Variants in SLC1A2 observed in about 807,000 individuals in gnomAD.
SLC1A2 encodes the protein excitatory amino acid transporter 2.
Under a neutral mutation model 48.8 loss-of-function variants are expected in SLC1A2, and 15 were observed. That is an observed-to-expected ratio of 0.31 (90% confidence interval 0.21 to 0.47). SLC1A2 has a LOEUF of 0.47. Ranked by LOEUF, SLC1A2 falls within the 20% of genes least tolerant of loss-of-function variation. The pLI, the probability that SLC1A2 is intolerant of heterozygous loss-of-function variation, is 0.99. For missense variants in SLC1A2, 502 were observed against 730.5 expected (o/e 0.69, Z 3.61); for synonymous variants, 279 against 272.6 (o/e 1.02, Z -0.23).
At chr11:35,351,301 G>A (rs1160854598) in intron 1 of SLC1A2, among the ~76,000 whole-genome samples, 1 of 152,200 alleles carries the variant, frequency 6.6e-6, no homozygotes, top group Admixed American at 6.5e-5. Flanking sequence ...TCTCCCCAGT[G>A]AACTTCCCAC....
At position 35,311,897 on chromosome 11, in the gene SLC1A2, G is replaced by GGAGAGAGAGAGAGAGAGA. The variant is rs1213084635; in HGVS notation, c.561+283_561+300dup. 3.3e-3 allele frequency among the ~76,000 whole-genome samples: 85 copies of GGAGAGAGAGAGAGAGAGA among 25,722 alleles called. 12 individuals are homozygous for GGAGAGAGAGAGAGAGAGA. Among genetic ancestry groups the GGAGAGAGAGAGAGAGAGA allele is most frequent in the East Asian group, 0.032 (17 of 528 alleles). 16.9% of individuals were successfully genotyped at this position (25,722 alleles called of 152,430 possible). A position where few individuals can be genotyped will look rare whatever the true frequency, so the allele number is the denominator to read the frequency against. ...GAGAGAGAGAGAGAGAGAGAGGGAG[G>GGAGAGAGAGAGAGAGAGA]GAGAGAGAGAGAGAGAGAGAGAGAG... On this transcript the variant is annotated intron_variant, in intron 4 of 10. Transcript: ENST00000278379.
intron 1 of SLC1A2, among the ~76,000 whole-genome samples, chr11:35,358,288 AT>A (rs899900388): frequency 1.3e-5 from 2 of 152,112 alleles, no homozygotes; most frequent in Non-Finnish European, 2.9e-5. Context: ...ATTGCAGGTG[AT>A]TTTTTTCCCT....
At chr11:35,389,068 C>T (rs974658520) in intron 1 of SLC1A2, among the ~76,000 whole-genome samples, 4 of 152,114 alleles carry the variant, frequency 2.6e-5, no homozygotes, top group Non-Finnish European at 5.9e-5. Context: ...CAAACATGCA[C>T]ATGTACCCCT....
At chr11:35,348,152 C>G (rs979826740) in intron 1 of SLC1A2, among the ~76,000 whole-genome samples, 3 of 152,160 alleles carry the variant, frequency 2.0e-5, no homozygotes, top group Non-Finnish European at 2.9e-5. Context: ...CTAAAGGATT[C>G]TAGAATTCAT....
intron 9 of SLC1A2, among the ~76,000 whole-genome samples, chr11:35,271,486 A>T (rs1850278238): frequency 6.6e-6 from 1 of 152,244 alleles, no homozygotes; most frequent in Non-Finnish European, 1.5e-5. Flanking sequence ...GTTAAAGGAA[A>T]CTAGAAGAGT....
chr11:35,376,813 T>C (rs1213969240), intron 1 of SLC1A2, among the ~76,000 whole-genome samples: 1 of 152,214 alleles, frequency 6.6e-6, no homozygotes, highest in South Asian at 2.1e-4. Flanking sequence ...CTTCAAGATA[T>C]GAATCTATCA....
chr11:35,293,143 G>A, intron 6 of SLC1A2, among the ~76,000 whole-genome samples: 1 of 152,184 alleles, frequency 6.6e-6, no homozygotes. Context: ...GCACTATGGT[G>A]AGAGCTGCAC....
rs1855569758 is a variant in SLC1A2, at chr11:35,415,139, G to A, written c.17+3811C>T. Among the ~76,000 whole-genome samples, 7 of 152,190 alleles carry A rather than the reference G, an allele frequency of 4.6e-5. No individual in the cohort carries two copies. In the South Asian group the frequency reaches 1.4e-3, roughly 32 times the overall value. ...AATATATTGCTCGTTTTTTGCAGCT[G>A]AAGCATCATCACTTAAGGACTTTTC... is the stretch of plus-strand genomic sequence containing the variant. On this transcript the variant is annotated intron_variant, in intron 1 of 10. Coordinates refer to ENST00000278379, the MANE Select transcript of SLC1A2 (RefSeq NM_004171.4).
intron 8 of SLC1A2, among the ~76,000 whole-genome samples, chr11:35,282,754 G>A (rs180763908): frequency 1.8e-4 from 27 of 152,286 alleles, no homozygotes; most frequent in Admixed American, 5.2e-4. Flanking sequence ...TTGCACTGTG[G>A]TTAACATTAA....
intron 9 of SLC1A2, among the ~76,000 whole-genome samples, chr11:35,271,364 G>C (rs1238093244): frequency 6.6e-6 from 1 of 152,150 alleles, no homozygotes; most frequent in Admixed American, 6.5e-5. Context: ...ATGCCACCGA[G>C]GTGCTTAATT....
chr11:35,266,131 TA>T (rs1380040078), intron 9 of SLC1A2, among the ~76,000 whole-genome samples: 1 of 152,218 alleles, frequency 6.6e-6, no homozygotes, highest in Non-Finnish European at 1.5e-5. Flanking sequence ...CAGACACACC[TA>T]GCTGAGTACA....
intron 2 of SLC1A2, chr11:35,317,025 T>C (rs1030419792): frequency 1.4e-5 from 3 of 212,372 alleles, no homozygotes; most frequent in Non-Finnish European, 2.9e-5. Context: ...CTAAATGTGG[T>C]CCATGGACCA....
chr11:35,286,963 GAGAA>G lies in SLC1A2; in HGVS notation c.1092-16_1092-13del. 1 of 1,608,958 alleles carries G rather than the reference GAGAA, an allele frequency of 6.2e-7. No individual in the cohort carries two copies. The highest frequency in any genetic ancestry group is 8.5e-7 in the Non-Finnish European group (1 of 1,175,580). On this transcript the variant is annotated splice_polypyrimidine_tract_variant and intron_variant, in intron 7 of 10. Coordinates refer to ENST00000278379, the MANE Select transcript of SLC1A2 (RefSeq NM_004171.4). The stretch of plus-strand genomic sequence containing the variant: ...GCAAAGTTCCAGCACTGAGAACAAA[GAGAA>G]AGAGAGAGACAGGGTTATGTCCACT...
chr11:35,352,676 T>C (rs1180796354), intron 1 of SLC1A2, among the ~76,000 whole-genome samples: 1 of 151,706 alleles, frequency 6.6e-6, no homozygotes, highest in Non-Finnish European at 1.5e-5. Context: ...CAGGGCATGC[T>C]CACTGCACTG....
intron 1 of SLC1A2, among the ~76,000 whole-genome samples, chr11:35,379,287 T>G (rs1854340890): frequency 6.6e-6 from 1 of 152,236 alleles, no homozygotes; most frequent in East Asian, 1.9e-4. Flanking sequence ...GAAGTCTATG[T>G]AAATGCCAGC....
At chr11:35,380,663 A>T (rs1022122854) in intron 1 of SLC1A2, 3 of 340,608 alleles carry the variant, frequency 8.8e-6, no homozygotes, top group African/African-American at 6.3e-5. Flanking sequence ...AAATAAAAAC[A>T]AAATAAATAA....
In SLC1A2 at chr11:35,256,414, G is replaced by GA. The variant is rs376367234; in HGVS notation, c.*4479dup. ...GTAGAAAATTTGGTTTTCTTTTAGG[G>GA]AAAATCATAAGAAAATGTGTCATGA... On this transcript the variant is annotated 3_prime_UTR_variant, in exon 11 of 11. Transcript: ENST00000278379. The GA allele has an allele frequency of 6.6e-6, 1 of 152,492 alleles. No homozygotes were observed. Among genetic ancestry groups the GA allele is most frequent in the Non-Finnish European group, 1.5e-5 (1 of 68,026 alleles). 9.4% of individuals were successfully genotyped at this position (152,492 alleles called of 1,614,324 possible).
chr11:35,310,619 A>G (rs1851656960), intron 4 of SLC1A2, among the ~76,000 whole-genome samples: 1 of 152,228 alleles, frequency 6.6e-6, no homozygotes, highest in Admixed American at 6.5e-5. Context: ...CTTCTAAGCA[A>G]ACTGTTTCCT....
At chr11:35,364,432 T>C (rs7129352) in intron 1 of SLC1A2, among the ~76,000 whole-genome samples, 2,397 of 152,356 alleles carry the variant, frequency 0.016, 69 homozygotes, top group African/African-American at 0.054. Context: ...CAGTCAATAG[T>C]AAGAAAAGTT....
Sources: allele counts gnomAD v4.1 joint callset (sites outside exome capture counted in the v4.1 genomes callset), GRCh38; gene constraint gnomAD v4.1.1; transcripts MANE v1.5; gene names NCBI Gene and HGNC (gene_info 2026-07-23, HGNC 2026-07-21).